The following KCNN2 variants were observed in gnomAD, a reference collection of about 807,000 sequenced individuals.
KCNN2 encodes small conductance calcium-activated potassium channel protein 2.
KCNN2 carries 24 observed loss-of-function variants against 55.5 expected under a neutral mutation model. The ratio of observed to expected loss-of-function variants is 0.43; its 90% confidence interval spans 0.31 to 0.61. KCNN2 has a LOEUF of 0.61. KCNN2 is among the 20% of genes least tolerant of loss of function. The pLI is 0.08. For missense variants in KCNN2, 754 were observed against 853.6 expected (o/e 0.88, Z 1.45); for synonymous variants, 431 against 336.1 (o/e 1.28, Z -3.09).
intron 2 of KCNN2, among the ~76,000 whole-genome samples, chr5:114,321,651 GTTTTT>G (rs57707854): frequency 1.3e-5 from 2 of 148,870 alleles, no homozygotes; most frequent in Admixed American, 6.7e-5. Flanking sequence ...CACTGGATTT[GTTTTT>G]TTTTTTTGTT....
At chr5:114,376,172 G>A (rs541761847) in intron 2 of KCNN2, among the ~76,000 whole-genome samples, 1 of 152,026 alleles carries the variant, frequency 6.6e-6, no homozygotes, top group Non-Finnish European at 1.5e-5. Context: ...GTCTGATGCT[G>A]TGTGTACAGA....
intron 3 of KCNN2, among the ~76,000 whole-genome samples, chr5:114,462,397 G>T (rs1476015261): frequency 6.6e-6 from 1 of 152,140 alleles, no homozygotes; most frequent in Non-Finnish European, 1.5e-5. Context: ...ATTAAGCTCT[G>T]GTTATGGGCA....
At chr5:114,477,682 A>G (rs1309195139) in intron 5 of KCNN2, among the ~76,000 whole-genome samples, 4 of 152,184 alleles carry the variant, frequency 2.6e-5, no homozygotes, top group Non-Finnish European at 4.4e-5. Context: ...ATATATTATT[A>G]TTACTGCTCA....
intron 1 of KCNN2, among the ~76,000 whole-genome samples, chr5:114,169,092 C>A (rs530502577): frequency 6.6e-6 from 1 of 152,240 alleles, no homozygotes; most frequent in Admixed American, 6.5e-5. Context: ...ATGCTTGCTT[C>A]TCCTTCACCT....
At position 114,114,943 on chromosome 5, in the gene KCNN2, C is replaced by G. The variant is rs191959870; in HGVS notation, c.-271+58443C>G. Among the ~76,000 whole-genome samples the G allele has an allele frequency of 3.3e-5, 5 of 152,244 alleles. No individual in the cohort carries two copies. The East Asian group carries it at 9.7e-4, about 29-fold the overall frequency. Reference sequence around the variant, plus strand: ...GACTTCTCAGGAGGTGTTTGCTAAACTATGTCATGGAATATTTCCTTTTCC... The same window carrying G: ...GACTTCTCAGGAGGTGTTTGCTAAAGTATGTCATGGAATATTTCCTTTTCC... On this transcript the variant is annotated intron_variant, in intron 1 of 10. Coordinates refer to the KCNN2 transcript ENST00000512097.
At chr5:114,188,092 C>T (rs1240156050) in intron 1 of KCNN2, among the ~76,000 whole-genome samples, 12 of 152,152 alleles carry the variant, frequency 7.9e-5, no homozygotes, top group African/African-American at 2.4e-4. Flanking sequence ...GGATTACAGG[C>T]GTGAGCCACT....
chr5:114,259,150 A>C (rs910046472), intron 2 of KCNN2, among the ~76,000 whole-genome samples: 3 of 152,224 alleles, frequency 2.0e-5, no homozygotes, highest in African/African-American at 7.2e-5. Flanking sequence ...GCAGCCACTC[A>C]GAGCCCATAG....
At chr5:114,361,279 T>C (rs1365325964), upstream of KCNN2, 1 of 151,542 alleles carries the variant, frequency 6.6e-6, no homozygotes, top group Admixed American at 6.6e-5. Flanking sequence ...CCGGCCGGGG[T>C]GCCGAGGCGG....
At chr5:114,230,283 C>CTTT (rs1318712958) in intron 2 of KCNN2, among the ~76,000 whole-genome samples, 4 of 99,416 alleles carry the variant, frequency 4.0e-5, no homozygotes, top group African/African-American at 1.4e-4. Context: ...TTTTTTCTTT[C>CTTT]TTTCTTTTTT....
chr5:114,492,835 A>G (rs988739458), intron 6 of KCNN2, among the ~76,000 whole-genome samples: 2 of 152,148 alleles, frequency 1.3e-5, no homozygotes, highest in African/African-American at 4.8e-5. Context: ...ACAATGAAGA[A>G]TAAGATAATA....
Position 114,424,341 on chromosome 5 carries a change from A to G in KCNN2, c.1637+19485A>G, listed in dbSNP as rs1393895465. ...ATCCTGACCTATGAGCACTAAACTG[A>G]CACCTTTTCTTAGCTATACTGAAAG... On this transcript the variant is annotated intron_variant, in intron 3 of 7. Coordinates refer to ENST00000673685, the MANE Select transcript of KCNN2 (RefSeq NM_021614.4). 2.0e-5 allele frequency among the ~76,000 whole-genome samples: 3 copies of G among 152,318 alleles called. No individual in the cohort carries two copies. In the East Asian group the frequency reaches 5.8e-4, roughly 29 times the overall value.
At chr5:114,199,660 T>TGTTTGA (rs1157327206) in intron 1 of KCNN2, among the ~76,000 whole-genome samples, 2 of 152,046 alleles carry the variant, frequency 1.3e-5, no homozygotes, top group African/African-American at 4.8e-5. Flanking sequence ...TTCATTCCCA[T>TGTTTGA]GTTTGAGACT....
intron 1 of KCNN2, among the ~76,000 whole-genome samples, chr5:114,200,418 T>G (rs1389791662): frequency 6.6e-6 from 1 of 152,078 alleles, no homozygotes; most frequent in Non-Finnish European, 1.5e-5. Flanking sequence ...CATCCTGGAT[T>G]GATTTTCCTA....
chr5:114,361,719 C>G (rs1447390613), upstream of KCNN2, among the ~76,000 whole-genome samples: 1 of 152,186 alleles, frequency 6.6e-6, no homozygotes, highest in Non-Finnish European at 1.5e-5. Context: ...CGGCACTAGT[C>G]AAGGGGGCAG....
intron 3 of KCNN2, among the ~76,000 whole-genome samples, chr5:114,405,741 C>T (rs1174278351): frequency 6.6e-6 from 1 of 150,446 alleles, no homozygotes; most frequent in Non-Finnish European, 1.5e-5. Context: ...GACGGAGTCT[C>T]GCTCTGTCGC....
At chr5:114,109,572 C>G (rs190686242) in intron 1 of KCNN2, among the ~76,000 whole-genome samples, 1 of 152,096 alleles carries the variant, frequency 6.6e-6, no homozygotes, top group Admixed American at 6.6e-5. Flanking sequence ...GCCATAACAC[C>G]TTGGAGAGTA....
At chr5:114,248,651 T>C (rs1027257849) in intron 2 of KCNN2, among the ~76,000 whole-genome samples, 1 of 152,226 alleles carries the variant, frequency 6.6e-6, no homozygotes, top group African/African-American at 2.4e-5. Flanking sequence ...CAAATTTATT[T>C]ACAGAGAAGA....
chr5:114,288,961 C>G (rs1293919152), intron 2 of KCNN2, among the ~76,000 whole-genome samples: 1 of 151,616 alleles, frequency 6.6e-6, no homozygotes, highest in Non-Finnish European at 1.5e-5. Flanking sequence ...ATATTTTTTT[C>G]TAAGAGTTTT....
chr5:114,232,186 A>C (rs1754376756), intron 2 of KCNN2, among the ~76,000 whole-genome samples: 1 of 150,906 alleles, frequency 6.6e-6, no homozygotes, highest in South Asian at 2.1e-4. Context: ...CATAGGAGTA[A>C]ATTATTCAGG....
Sources: gnomAD v4.1 joint callset for allele counts (sites outside exome capture counted in the v4.1 genomes callset) on GRCh38, gnomAD v4.1.1 for gene constraint, MANE v1.5 for transcripts, NCBI Gene and HGNC (gene_info 2026-07-23, HGNC 2026-07-21) for gene names.